CERKL: variants seen among roughly 807,000 people sequenced by gnomAD.
The protein encoded by CERKL is ceramide kinase-like protein.
Under a neutral mutation model 63.4 loss-of-function variants are expected in CERKL, and 61 were observed. The ratio of observed to expected loss-of-function variants is 0.96; its 90% CI spans 0.78 to 1.19. The LOEUF is 1.19. Ranked by LOEUF, CERKL falls within the 50% of genes most tolerant of loss-of-function variation. CERKL has a pLI of 0.00. For synonymous variants in CERKL, 250 were observed against 230.5 expected (o/e 1.08, Z -0.77); for missense variants, 675 against 655.5 (o/e 1.03, Z -0.33).
chr2:181,585,534 A>G (rs1053895018), intron 2 of CERKL, among the ~76,000 whole-genome samples: 1 of 152,168 alleles, frequency 6.6e-6, no homozygotes, highest in African/African-American at 2.4e-5. Flanking sequence ...TATCAAAGTT[A>G]AGTTTTCTGA....
chr2:181,625,666 T>C (rs1217930627), intron 1 of CERKL, among the ~76,000 whole-genome samples: 4 of 152,138 alleles, frequency 2.6e-5, no homozygotes, highest in African/African-American at 7.2e-5. Flanking sequence ...AAGCCTTAGA[T>C]TTAGTCCCCA....
intron 2 of CERKL, among the ~76,000 whole-genome samples, chr2:181,585,643 A>G (rs1026057020): frequency 9.2e-5 from 14 of 152,228 alleles, no homozygotes; most frequent in African/African-American, 3.4e-4. Context: ...TTCAGTCTCT[A>G]TCTCATGTCT....
intron 2 of CERKL, among the ~76,000 whole-genome samples, chr2:181,581,650 G>A (rs2105860459): frequency 6.6e-6 from 1 of 152,312 alleles, no homozygotes; most frequent in East Asian, 1.9e-4. Flanking sequence ...CGTACAGTAA[G>A]CATTCATCGC....
Position 181,537,863 on chromosome 2 carries a change from C to A in CERKL, c.*321G>T, listed in dbSNP as rs1287512674. ...TTCTATTAGGATATCCGTTTGGCCACACAGCAGGAGGTTAGAGCAATGGAG... is the reference window on the plus strand; with the variant it reads ...TTCTATTAGGATATCCGTTTGGCCAAACAGCAGGAGGTTAGAGCAATGGAG... On this transcript the variant is annotated 3_prime_UTR_variant, in exon 13 of 13. Transcript: ENST00000410087. 2 of 522,006 alleles carry A rather than the reference C, an allele frequency of 3.8e-6. No individual in the cohort carries two copies. Among genetic ancestry groups the A allele is most frequent in the South Asian group, 3.1e-5 (2 of 64,990 alleles). The allele number at this position is 522,006 out of a possible 1,614,324, so 32.3% of individuals were successfully genotyped here.
rs1303612339 is a variant in CERKL, at chr2:181,594,064, A to G, written c.481+9773T>C. 2.0e-5 allele frequency among the ~76,000 whole-genome samples: 3 copies of G among 152,190 alleles called. No homozygotes were observed. In the East Asian group the frequency reaches 5.8e-4, roughly 29 times the overall value. Reference sequence around the variant, plus strand: ...TAAGGATTAAATGAGTTGGTTTATAACAGAAGCAACTAGAATAATGCCTAC... The same window carrying G: ...TAAGGATTAAATGAGTTGGTTTATAGCAGAAGCAACTAGAATAATGCCTAC... On this transcript the variant is annotated intron_variant, in intron 2 of 12. Transcript: ENST00000410087.
rs757031312 is a variant in CERKL at position 181,538,174 on chromosome 2, C to CAATT, written c.*6_*9dup. ...CTAGTTTGTACATTTCTTTTAGAAA[C>CAATT]AATTACATGTTACTTTGGAATCATT... On this transcript the variant is annotated 3_prime_UTR_variant, in exon 13 of 13. Coordinates refer to ENST00000410087, the MANE Select transcript of CERKL (RefSeq NM_201548.5). 5.7e-5 allele frequency: 87 copies of CAATT among 1,535,626 alleles called. No individual in the cohort carries two copies. The highest frequency in any genetic ancestry group is 7.6e-5 in the Non-Finnish European group (84 of 1,110,574).
intron 2 of CERKL, among the ~76,000 whole-genome samples, chr2:181,593,349 T>C (rs1685065562): frequency 1.3e-5 from 2 of 152,142 alleles, no homozygotes; most frequent in Non-Finnish European, 2.9e-5. Context: ...GATAAGTAAG[T>C]CACCTCATTT....
intron 11 of CERKL, 116 bp from the exon 12 acceptor site, chr2:181,539,380 A>G (rs995009733): frequency 2.1e-5 from 15 of 699,866 alleles, no homozygotes; most frequent in South Asian, 1.0e-4. Context: ...TGACATTTTA[A>G]TAGCTTTGAG....
At chr2:181,637,124 A>G (rs1687211950) in intron 1 of CERKL, among the ~76,000 whole-genome samples, 1 of 152,196 alleles carries the variant, frequency 6.6e-6, no homozygotes. Context: ...GTTTTTTTAA[A>G]GTTTGGCAAT....
At chr2:181,623,305 AATCAATAATAG>A (rs1686536750) in intron 1 of CERKL, among the ~76,000 whole-genome samples, 1 of 152,182 alleles carries the variant, frequency 6.6e-6, no homozygotes, top group African/African-American at 2.4e-5. Flanking sequence ...TTACAGGCCA[AATCAATAATAG>A]ATCAATAAAA....
At chr2:181,543,983 C>CAAAAAAAAAAAA (rs11450338) in intron 11 of CERKL, among the ~76,000 whole-genome samples, 5 of 118,186 alleles carry the variant, frequency 4.2e-5, no homozygotes, top group African/African-American at 6.4e-5. Flanking sequence ...GGCTCTAACT[C>CAAAAAAAAAAAA]AAAAAAAAAA....
intron 5 of CERKL, among the ~76,000 whole-genome samples, chr2:181,554,556 A>AT (rs1346675592): frequency 6.6e-6 from 1 of 151,786 alleles, no homozygotes; most frequent in Non-Finnish European, 1.5e-5. Flanking sequence ...TTTTTTCTCC[A>AT]TTCCCCCTCC....
chr2:181,618,966 A>C (rs1013318790), intron 1 of CERKL, among the ~76,000 whole-genome samples: 1 of 152,200 alleles, frequency 6.6e-6, no homozygotes, highest in Non-Finnish European at 1.5e-5. Context: ...TTAAATACCT[A>C]AGATTTTATT....
chr2:181,555,745 T>C (rs1467258544), intron 5 of CERKL, among the ~76,000 whole-genome samples: 1 of 148,266 alleles, frequency 6.7e-6, no homozygotes, highest in Non-Finnish European at 1.5e-5. Flanking sequence ...GGATGGACAT[T>C]ATTAAACTTT....
In CERKL at chr2:181,621,780, C is replaced by T. The variant is rs1054527334; in HGVS notation, c.239-17701G>A. Among the ~76,000 whole-genome samples the T allele has an allele frequency of 8.5e-5, 13 of 152,070 alleles. No individual in the cohort carries two copies. In the South Asian group the frequency reaches 1.7e-3, roughly 19 times the overall value. On this transcript the variant is annotated intron_variant, in intron 1 of 12. Coordinates refer to ENST00000410087, the MANE Select transcript of CERKL (RefSeq NM_201548.5). ...GTAGCATGTAATCAATGTAAAATAG[C>T]TTACAGGATTACAGCAAGCCATCTT...
intron 1 of CERKL, among the ~76,000 whole-genome samples, chr2:181,617,102 G>T (rs998879484): frequency 6.6e-6 from 1 of 152,172 alleles, no homozygotes; most frequent in African/African-American, 2.4e-5. Flanking sequence ...ACTAATAATT[G>T]CTGCATTCTT....
At chr2:181,607,726 C>T (rs1016490521) in intron 1 of CERKL, among the ~76,000 whole-genome samples, 2 of 152,140 alleles carry the variant, frequency 1.3e-5, no homozygotes, top group African/African-American at 4.8e-5. Context: ...CCTTCCTCTA[C>T]CCTCAAGAAT....
At chr2:181,552,248 T>TA (rs1688018297) in intron 5 of CERKL, among the ~76,000 whole-genome samples, 1 of 152,162 alleles carries the variant, frequency 6.6e-6, no homozygotes, top group South Asian at 2.1e-4. Flanking sequence ...CTACAGTTGA[T>TA]ACGGTTAGGC....
At chr2:181,633,417 TAAAC>T (rs1381543836) in intron 1 of CERKL, among the ~76,000 whole-genome samples, 1 of 152,224 alleles carries the variant, frequency 6.6e-6, no homozygotes, top group Non-Finnish European at 1.5e-5. Context: ...GTTATTATCT[TAAAC>T]AGAGGGATAG....
Sources: allele counts gnomAD v4.1 joint callset (sites outside exome capture counted in the v4.1 genomes callset), GRCh38; gene constraint gnomAD v4.1.1; transcripts MANE v1.5; gene names NCBI Gene and HGNC (gene_info 2026-07-23, HGNC 2026-07-21).